ZSCAN25: variants seen among roughly 807,000 people sequenced by gnomAD.
The protein encoded by ZSCAN25 is zinc finger and SCAN domain-containing protein 25.
A neutral mutation model predicts 38.7 loss-of-function variants in ZSCAN25; 27 were observed. The ratio of observed to expected loss-of-function variants is 0.70; its 90% CI spans 0.51 to 0.96. The LOEUF (loss-of-function observed/expected upper bound fraction) is 0.96, where lower values mean the gene tolerates loss of function less well. ZSCAN25 is among the 40% of genes least tolerant of loss of function. The probability of loss-of-function intolerance (pLI) is 0.00; values close to 1 mark genes in which losing one functional copy is unlikely to be tolerated. For missense variants in ZSCAN25, 637 were observed against 705.9 expected (o/e 0.90, Z 1.11); for synonymous variants, 273 against 277.7 (o/e 0.98, Z 0.17).
the ZSCAN25 span, among the ~76,000 whole-genome samples, chr7:99,656,935 T>C: frequency 6.6e-6 from 1 of 152,216 alleles, no homozygotes; most frequent in Non-Finnish European, 1.5e-5. Context: ...ATATCCCCTT[T>C]ATCATTTTTA....
At chr7:99,632,986 G>GTTTTTTTTTTTTTTTTTTTTTTTTTTT (rs201141594), downstream of ZSCAN25, among the ~76,000 whole-genome samples, 54 of 141,518 alleles carry the variant, frequency 3.8e-4, no homozygotes, top group South Asian at 1.2e-3. Context: ...TGCATTTTCT[G>GTTTTTTTTTTTTTTTTTTTTTTTTTTT]TTGTTTTTTT....
At chr7:99,647,443 A>G in the ZSCAN25 span, 1 of 958,554 alleles carries the variant, frequency 1.0e-6, no homozygotes, top group Non-Finnish European at 1.2e-6. Flanking sequence ...TGCCCAATCA[A>G]CTGACGAATT....
chr7:99,620,219 A>T (rs913698689), intron 4 of ZSCAN25: 8 of 621,494 alleles, frequency 1.3e-5, no homozygotes, highest in Non-Finnish European at 2.2e-5. Context: ...CTGTTTGGTC[A>T]TGAGGGCAGA....
At chr7:99,715,327 A>G in the ZSCAN25 span, 4 of 192,720 alleles carry the variant, frequency 2.1e-5, no homozygotes, top group Admixed American at 5.3e-5. Flanking sequence ...CCACAAATCA[A>G]TAATCTACAT....
the ZSCAN25 span, among the ~76,000 whole-genome samples, chr7:99,733,915 C>T: frequency 6.6e-6 from 1 of 152,162 alleles, no homozygotes; most frequent in African/African-American, 2.4e-5. Flanking sequence ...AAGACATATG[C>T]AGTCTTGTCC....
the ZSCAN25 span, among the ~76,000 whole-genome samples, chr7:99,696,567 A>G: frequency 6.6e-6 from 1 of 152,098 alleles, no homozygotes; most frequent in African/African-American, 2.4e-5. Context: ...GATTTGCGCT[A>G]TTGGGGAGGA....
the ZSCAN25 span, among the ~76,000 whole-genome samples, chr7:99,645,736 C>T: frequency 2.0e-5 from 3 of 151,946 alleles, no homozygotes; most frequent in Admixed American, 6.6e-5. Context: ...ATATGATTGT[C>T]GTCCACATGT....
chr7:99,684,737 G>C, the ZSCAN25 span, among the ~76,000 whole-genome samples: 1 of 152,180 alleles, frequency 6.6e-6, no homozygotes, highest in Non-Finnish European at 1.5e-5. Context: ...GAATGCTCCA[G>C]ATAAAACAGA....
intron 5 of ZSCAN25, chr7:99,621,931 T>C: frequency 5.9e-6 from 1 of 170,376 alleles, no homozygotes; most frequent in Admixed American, 6.3e-5. Context: ...TTTCTTTCTT[T>C]CTTTCTTTTT....
the ZSCAN25 span, chr7:99,647,986 A>G: frequency 1.0e-6 from 1 of 985,434 alleles, no homozygotes; most frequent in Non-Finnish European, 1.2e-6. Flanking sequence ...CAAATTGTTG[A>G]GAAATATTTA....
At chr7:99,652,906 T>C in the ZSCAN25 span, 4 of 705,160 alleles carry the variant, frequency 5.7e-6, no homozygotes, top group South Asian at 1.9e-5. Context: ...ATCATAGTAT[T>C]CGTGAAGTAT....
At chr7:99,730,925 G>A in the ZSCAN25 span, 1 of 1,211,174 alleles carries the variant, frequency 8.3e-7, no homozygotes. Context: ...GCCACGCTCT[G>A]GGTGATGCCT....
chr7:99,737,505 C>A, the ZSCAN25 span, among the ~76,000 whole-genome samples: 502 of 152,176 alleles, frequency 3.3e-3, 2 homozygotes, highest in African/African-American at 0.012. Flanking sequence ...CTCTATGTTG[C>A]CACACCGAGA....
chr7:99,638,790 G>A, the ZSCAN25 span: 2 of 876,772 alleles, frequency 2.3e-6, no homozygotes, highest in Non-Finnish European at 3.8e-6. Context: ...TGGGGCCAGG[G>A]GCATTCAGGT....
the ZSCAN25 span, chr7:99,647,743 C>T: frequency 7.1e-6 from 7 of 985,380 alleles, no homozygotes; most frequent in Non-Finnish European, 8.4e-6. Context: ...CTGACAAAGG[C>T]CCCACACCAA....
the ZSCAN25 span, chr7:99,722,212 T>C: frequency 2.6e-6 from 4 of 1,567,216 alleles, no homozygotes; most frequent in Non-Finnish European, 3.5e-6. Flanking sequence ...CGCAAGAGGC[T>C]CTGGGCTGAG....
the ZSCAN25 span, among the ~76,000 whole-genome samples, chr7:99,649,217 G>T: frequency 6.6e-6 from 1 of 152,146 alleles, no homozygotes; most frequent in Non-Finnish European, 1.5e-5. Context: ...CCCCCTGCCT[G>T]AATACACACA....
the ZSCAN25 span, among the ~76,000 whole-genome samples, chr7:99,687,619 T>G: frequency 6.6e-6 from 1 of 152,192 alleles, no homozygotes; most frequent in Non-Finnish European, 1.5e-5. Context: ...CCAGGAGAAC[T>G]TCCCCAATCT....
At chr7:99,669,522 T>G in the ZSCAN25 span, among the ~76,000 whole-genome samples, 3 of 152,236 alleles carry the variant, frequency 2.0e-5, no homozygotes, top group Admixed American at 6.5e-5. Context: ...CTTGAGAAAC[T>G]GATATTTCTA....
Sources: gnomAD v4.1 joint callset for allele counts (sites outside exome capture counted in the v4.1 genomes callset) on GRCh38, gnomAD v4.1.1 for gene constraint, MANE v1.5 for transcripts, NCBI Gene and HGNC (gene_info 2026-07-23, HGNC 2026-07-21) for gene names.